SPTA1: variants seen among roughly 807,000 people sequenced by gnomAD.
The protein encoded by SPTA1 is spectrin alpha chain, erythrocytic 1.
In SPTA1, 177 loss-of-function variants were observed where a neutral mutation model predicts 324.7. The ratio of observed to expected loss-of-function variants is 0.55; its 90% CI spans 0.48 to 0.62. The LOEUF (loss-of-function observed/expected upper bound fraction) is 0.62, where lower values mean the gene tolerates loss of function less well. Ranked by LOEUF, SPTA1 falls within the 20% of genes least tolerant of loss-of-function variation. The probability of loss-of-function intolerance (pLI) is 0.00; values close to 1 mark genes in which losing one functional copy is unlikely to be tolerated. For synonymous variants in SPTA1, 1,195 were observed against 1,041.3 expected (o/e 1.15, Z -2.84); for missense variants, 3,162 against 2,883.6 (o/e 1.10, Z -2.21).
At chr1:158,674,757 G>A in intron 8 of SPTA1, 82 bp from the exon 9 acceptor site, 1 of 1,571,056 alleles carries the variant, frequency 6.4e-7, no homozygotes, top group Non-Finnish European at 8.7e-7. Flanking sequence ...TTTGGGGTGA[G>A]GTAAGATGTG....
intron 39 of SPTA1, among the ~76,000 whole-genome samples, chr1:158,634,187 C>T (rs1156390128): frequency 6.6e-6 from 1 of 152,046 alleles, no homozygotes; most frequent in Non-Finnish European, 1.5e-5. Flanking sequence ...GATTTTTTTC[C>T]AAATCAATGT....
intron 31 of SPTA1, 58 bp from the exon 32 acceptor site, chr1:158,643,034 C>A (rs1417862399): frequency 2.5e-6 from 4 of 1,602,558 alleles, no homozygotes; most frequent in South Asian, 1.1e-5. Context: ...TGCTCTGATG[C>A]CATATCCATA....
chr1:158,635,753 A>G (rs1006720270), intron 38 of SPTA1, among the ~76,000 whole-genome samples, 160 bp downstream of exon 38: 8 of 152,228 alleles, frequency 5.3e-5, no homozygotes, highest in Admixed American at 3.9e-4. Context: ...TATATGGAGG[A>G]AAGCTTTGTG....
chr1:158,630,969 A>G (rs922250524), intron 39 of SPTA1, among the ~76,000 whole-genome samples: 3 of 152,094 alleles, frequency 2.0e-5, no homozygotes, highest in African/African-American at 7.2e-5. Flanking sequence ...TAAAAAGTCA[A>G]AAAATAATAG....
intron 11 of SPTA1, 51 bp from the exon 12 acceptor site, chr1:158,671,504 A>G (rs751135221): frequency 1.4e-6 from 2 of 1,447,152 alleles, no homozygotes; most frequent in Non-Finnish European, 1.9e-6. Context: ...GGTAAGAAAC[A>G]TTCCTCTTGG....
chr1:158,633,276 T>C (rs371987473), intron 39 of SPTA1, among the ~76,000 whole-genome samples: 131 of 152,332 alleles, frequency 8.6e-4, no homozygotes, highest in African/African-American at 2.9e-3. Flanking sequence ...CCATTTATGA[T>C]ATACTGCTTT....
rs151171115 is a variant in SPTA1, at chr1:158,658,108, A to G, written c.2588-414T>C. Among the ~76,000 whole-genome samples, 902 of 152,296 alleles carry G rather than the reference A, an allele frequency of 5.9e-3. 8 individuals carry two copies. The highest frequency in any genetic ancestry group is 0.02 in the African/African-American group (843 of 41,550). On this transcript the variant is annotated intron_variant, in intron 18 of 51. Coordinates refer to ENST00000643759, the MANE Select transcript of SPTA1 (RefSeq NM_003126.4). ...AAAACAGGAAAAGCTGTAAGATAAA[A>G]TGATTTTCAGACAATGGAGAGAGGA...
chr1:158,642,649 T>C (rs1022227918), intron 32 of SPTA1, 107 bp from the exon 33 acceptor site: 2 of 1,571,702 alleles, frequency 1.3e-6, no homozygotes, highest in Non-Finnish European at 1.7e-6. Flanking sequence ...ATAACTGAGG[T>C]GACGGTGACT....
At chr1:158,683,630 C>A in intron 2 of SPTA1, 134 bp from the exon 3 acceptor site, 5 of 1,161,390 alleles carry the variant, frequency 4.3e-6, no homozygotes, top group Non-Finnish European at 6.2e-6. Context: ...ATTTTCCTGT[C>A]CCCACTGGCT....
chr1:158,640,129 A>G (rs1651434227), intron 33 of SPTA1, 122 bp from the exon 34 acceptor site: 6 of 1,189,544 alleles, frequency 5.0e-6, no homozygotes, highest in Non-Finnish European at 7.4e-6. Flanking sequence ...TGATACTTGA[A>G]TATCATACAT....
intron 33 of SPTA1, among the ~76,000 whole-genome samples, chr1:158,640,941 G>T (rs561279729): frequency 6.6e-6 from 1 of 152,112 alleles, no homozygotes; most frequent in Non-Finnish European, 1.5e-5. Flanking sequence ...AAACAGCATG[G>T]TACTGGTACC....
chr1:158,628,601 A>G (rs1650450055), intron 39 of SPTA1, among the ~76,000 whole-genome samples: 3 of 152,182 alleles, frequency 2.0e-5, no homozygotes. Context: ...GAAACGGTAA[A>G]TGAATATTGG....
intron 8 of SPTA1, 103 bp downstream of exon 8, chr1:158,676,038 G>A: frequency 6.6e-7 from 1 of 1,509,090 alleles, no homozygotes; most frequent in South Asian, 1.1e-5. Context: ...CAGGAGAGCT[G>A]ATTCTCTCGC....
intron 43 of SPTA1, chr1:158,622,767 T>C: frequency 3.9e-6 from 2 of 515,054 alleles, no homozygotes. Flanking sequence ...GGCTTCCATC[T>C]CAAGTTAGTT....
chr1:158,650,278 C>A (rs1652325989), intron 24 of SPTA1, among the ~76,000 whole-genome samples: 1 of 152,186 alleles, frequency 6.6e-6, no homozygotes, highest in Non-Finnish European at 1.5e-5. Flanking sequence ...GATCACATTT[C>A]TCTAAGACAA....
intron 47 of SPTA1, among the ~76,000 whole-genome samples, chr1:158,615,873 A>C (rs779287490): frequency 6.6e-6 from 1 of 152,204 alleles, no homozygotes; most frequent in Non-Finnish European, 1.5e-5. Flanking sequence ...TAAGCTCCAC[A>C]GTGTTCACTC....
Position 158,634,620 on chromosome 1 carries a change from C to T in SPTA1, c.5488G>A (p.Glu1830Lys). 6.2e-7 allele frequency: 1 copy of T among 1,614,186 alleles called. No homozygotes were observed. ...TTTTCATTGATCCAAGCTTCCTCTT[C>T]CTCAGCATTCTGCATGAATTGCAAG... Reference protein sequence around the residue: ...EYLQFMQNAEEEEAWINEKNA... With the variant: ...EYLQFMQNAEKEEAWINEKNA... Residue 1830 changes from glutamate (E) to lysine (K), a missense_variant, in exon 39 of 52, where the codon GAA (glutamate) becomes AAA (lysine). By Grantham distance (56) the Glu-to-Lys change is moderately conservative (BLOSUM62 1). Transcript: ENST00000643759.
At chr1:158,639,760 T>C in intron 34 of SPTA1, 74 bp from the exon 35 acceptor site, 1 of 1,609,562 alleles carries the variant, frequency 6.2e-7, no homozygotes. Context: ...AGCAGCTATG[T>C]CCCCAAACTT....
chr1:158,621,936 C>A (rs1649938276), intron 43 of SPTA1, among the ~76,000 whole-genome samples: 1 of 152,216 alleles, frequency 6.6e-6, no homozygotes, highest in Non-Finnish European at 1.5e-5. Context: ...GCGATCTGGG[C>A]TCACTGCAAG....
Sources: allele counts gnomAD v4.1 joint callset (sites outside exome capture counted in the v4.1 genomes callset), GRCh38; gene constraint gnomAD v4.1.1; transcripts MANE v1.5; gene names NCBI Gene and HGNC (gene_info 2026-07-23, HGNC 2026-07-21).